RAD50: variants seen among roughly 807,000 people sequenced by gnomAD.
The protein encoded by RAD50 is RAD50 double strand break repair protein, also known as DNA repair protein RAD50.
RAD50 carries 132 observed loss-of-function variants against 168.8 expected under a neutral mutation model. That is an observed-to-expected ratio of 0.78 (90% CI 0.68 to 0.90). The LOEUF (loss-of-function observed/expected upper bound fraction) is 0.90. Ranked by LOEUF, RAD50 falls within the 40% of genes least tolerant of loss-of-function variation. RAD50 has a pLI of 0.00. For missense variants in RAD50, 1,347 were observed against 1,534.4 expected (o/e 0.88, Z 2.04); for synonymous variants, 525 against 497.4 (o/e 1.06, Z -0.74).
chr5:132,619,777 C>T (rs573437380), intron 21 of RAD50, among the ~76,000 whole-genome samples: 1 of 131,632 alleles, frequency 7.6e-6, no homozygotes, highest in Admixed American at 7.2e-5. Context: ...GAAATCCTTC[C>T]CTACTCCTCT....
intron 21 of RAD50, among the ~76,000 whole-genome samples, chr5:132,632,483 G>GT (rs142345241): frequency 0.01 from 1,569 of 151,430 alleles, 28 homozygotes; most frequent in African/African-American, 0.035. Context: ...ATTTTTCTGA[G>GT]TTTTTTTTTC....
chr5:132,595,833 C>T, intron 13 of RAD50, 23 bp downstream of exon 13: 1 of 1,554,688 alleles, frequency 6.4e-7, no homozygotes, highest in Admixed American at 1.7e-5. Context: ...TTTACCTTCA[C>T]TGTACATGTA....
chr5:132,582,417 C>T (rs1750519744), intron 5 of RAD50, among the ~76,000 whole-genome samples: 1 of 151,958 alleles, frequency 6.6e-6, no homozygotes, highest in Admixed American at 6.5e-5. Context: ...TTTTTTTTAG[C>T]TCTGACATGT....
chr5:132,586,165 A>G (rs1261975968), intron 5 of RAD50, among the ~76,000 whole-genome samples: 1 of 138,834 alleles, frequency 7.2e-6, no homozygotes, highest in Non-Finnish European at 1.5e-5. Context: ...TTAATATGAT[A>G]TGAGGTAAAA....
intron 13 of RAD50, among the ~76,000 whole-genome samples, chr5:132,599,399 CAG>C (rs1465245840): frequency 6.6e-6 from 1 of 152,176 alleles, no homozygotes; most frequent in Non-Finnish European, 1.5e-5. Context: ...CAAGCTCTAA[CAG>C]AATGTCAGTG....
Position 132,588,863 on chromosome 5 carries a change from ACTGCCAACCAAC to A in RAD50, c.1229_1240del (p.Thr410_Leu414delinsMet). ...AGAGAGACAAGAAGGGGAAGCAAAA[ACTGCCAACCAAC>A]TGATGGCAAGTATTTTGAAATACAG... On this transcript the variant is annotated inframe_deletion, in exon 8 of 25. Coordinates refer to ENST00000378823, the MANE Select transcript of RAD50 (RefSeq NM_005732.4). 6.2e-7 allele frequency: 1 copy of A among 1,613,074 alleles called. No homozygotes were observed. Among genetic ancestry groups the A allele is most frequent in the Non-Finnish European group, 8.5e-7 (1 of 1,179,092 alleles).
rs1554097839 is a variant in RAD50, at chr5:132,580,066, G to A, written c.756G>A (p.Lys252=). 3.7e-6 allele frequency: 6 copies of A among 1,605,224 alleles called. No homozygotes were observed. Among genetic ancestry groups the A allele is most frequent in the Non-Finnish European group, 5.1e-6 (6 of 1,172,298 alleles). Reference sequence around the variant, plus strand: ...ATGAGAATGAACTTGATCCATTGAAGGTAACTTGATTTTATTTTTAATTGA... The same window carrying A: ...ATGAGAATGAACTTGATCCATTGAAAGTAACTTGATTTTATTTTTAATTGA... The part of the protein sequence containing the change: ...KSYENELDPL[K]NRLKEIEHNL... The change falls in exon 5 of 25, where the codon AAG becomes AAA. Residue 252 remains lysine (K), a splice_region_variant and synonymous_variant. Transcript: ENST00000378823.
At chr5:132,564,479 A>G (rs1341788863) in intron 2 of RAD50, among the ~76,000 whole-genome samples, 1 of 152,222 alleles carries the variant, frequency 6.6e-6, no homozygotes, top group African/African-American at 2.4e-5. Flanking sequence ...ATTTCCAGGC[A>G]GCAAAACTTT....
rs1333156373 is a variant in RAD50, at chr5:132,643,725, T to TTGGG, written c.*1361_*1362insTGGG. ...GAGTATCCTGGGGGTGGTGGTGGGG[T>TTGGG]GGGGGGGGGTCCTAAATGTAATCAC... is the stretch of plus-strand genomic sequence containing the variant. On this transcript the variant is annotated 3_prime_UTR_variant, in exon 25 of 25. Coordinates refer to ENST00000378823, the MANE Select transcript of RAD50 (RefSeq NM_005732.4). 3 of 104,350 alleles carry TTGGG rather than the reference T, an allele frequency of 2.9e-5. No homozygotes were observed. The highest frequency in any genetic ancestry group is 1.8e-5 in the Non-Finnish European group (1 of 55,044). 6.5% of individuals were successfully genotyped at this position (104,350 alleles called of 1,614,324 possible). A position where few individuals can be genotyped will look rare whatever the true frequency, so the allele number is the denominator to read the frequency against.
At position 132,557,104 on chromosome 5, in the gene RAD50, C is replaced by G. The variant is rs1051231504; in HGVS notation, c.-221C>G. 1.4e-6 allele frequency: 1 copy of G among 698,568 alleles called. No homozygotes were observed. The highest frequency in any genetic ancestry group is 2.3e-6 in the Non-Finnish European group (1 of 427,402). 43.3% of individuals were successfully genotyped at this position (698,568 alleles called of 1,614,324 possible). ...TCCCCGCCTCCGCTCTCCCCACCGG[C>G]GGGGAAAGCAGCTGGTGTGGGAGGA... is the stretch of plus-strand genomic sequence containing the variant. On this transcript the variant is annotated 5_prime_UTR_variant, in exon 1 of 25. Transcript: ENST00000378823.
chr5:132,581,558 A>C (rs1186113512), intron 5 of RAD50, among the ~76,000 whole-genome samples: 1 of 152,224 alleles, frequency 6.6e-6, no homozygotes, highest in Non-Finnish European at 1.5e-5. Context: ...TTTTACCTGC[A>C]ACTTTTTTTA....
At chr5:132,571,031 G>A (rs184411098) in intron 2 of RAD50, among the ~76,000 whole-genome samples, 2 of 152,260 alleles carry the variant, frequency 1.3e-5, no homozygotes, top group Admixed American at 6.5e-5. Context: ...GGAGAGAGAC[G>A]GGAATGGCAG....
At chr5:132,637,027 A>T in intron 21 of RAD50, 88 bp from the exon 22 acceptor site, 1 of 947,938 alleles carries the variant, frequency 1.1e-6, no homozygotes, top group Non-Finnish European at 1.3e-6. Flanking sequence ...TCTATTTTTT[A>T]TATATTATAT....
chr5:132,639,353 C>CAAAAAA (rs980327824), intron 23 of RAD50, among the ~76,000 whole-genome samples: 2 of 82,668 alleles, frequency 2.4e-5, no homozygotes, highest in African/African-American at 4.2e-5. Context: ...AACTCCGTCT[C>CAAAAAA]AAAAAAAAAA....
intron 2 of RAD50, among the ~76,000 whole-genome samples, chr5:132,574,978 C>T (rs373395624): frequency 5.8e-4 from 89 of 152,318 alleles, no homozygotes; most frequent in African/African-American, 1.9e-3. Flanking sequence ...GAGTTCCAAA[C>T]TTTCCCATAT....
chr5:132,613,659 A>G (rs2149852022), intron 19 of RAD50, among the ~76,000 whole-genome samples: 1 of 139,304 alleles, frequency 7.2e-6, no homozygotes, highest in South Asian at 2.2e-4. Flanking sequence ...GCTGGAGTGC[A>G]GTGGCACAAT....
intron 2 of RAD50, among the ~76,000 whole-genome samples, chr5:132,565,298 T>C (rs568514637): frequency 1.6e-3 from 241 of 152,254 alleles, no homozygotes; most frequent in African/African-American, 5.5e-3. Context: ...TCAGGTTTTT[T>C]TTTTATAGCA....
At chr5:132,612,560 C>T (rs1020978328) in intron 19 of RAD50, among the ~76,000 whole-genome samples, 4 of 152,138 alleles carry the variant, frequency 2.6e-5, no homozygotes, top group Non-Finnish European at 4.4e-5. Flanking sequence ...GTTGGCCGGG[C>T]ACAGTGGCTC....
intron 21 of RAD50, chr5:132,630,498 A>G (rs1045228375): frequency 3.9e-5 from 6 of 152,184 alleles, no homozygotes; most frequent in African/African-American, 1.4e-4. Context: ...TAGAGTCACC[A>G]TCTCTATCAT....
Sources: allele counts gnomAD v4.1 joint callset (sites outside exome capture counted in the v4.1 genomes callset), GRCh38; gene constraint gnomAD v4.1.1; transcripts MANE v1.5; gene names NCBI Gene and HGNC (gene_info 2026-07-23, HGNC 2026-07-21).